Variants in CNTNAP5 observed in about 807,000 individuals in gnomAD.
CNTNAP5 encodes contactin-associated protein-like 5.
Under a neutral mutation model 150.2 loss-of-function variants are expected in CNTNAP5, and 72 were observed. The ratio of observed to expected loss-of-function variants is 0.48; its 90% CI spans 0.40 to 0.58. The LOEUF (loss-of-function observed/expected upper bound fraction) is 0.58. Ranked by LOEUF, CNTNAP5 falls within the 20% of genes least tolerant of loss-of-function variation. The probability of loss-of-function intolerance (pLI) is 0.00; values close to 1 mark genes in which losing one functional copy is unlikely to be tolerated. For missense variants in CNTNAP5, 1,636 were observed against 1,626.2 expected (o/e 1.01, Z -0.10); for synonymous variants, 672 against 619.8 (o/e 1.08, Z -1.25).
intron 1 of CNTNAP5, among the ~76,000 whole-genome samples, chr2:124,101,737 T>G (rs1166192107): frequency 1.3e-5 from 2 of 152,208 alleles, no homozygotes; most frequent in African/African-American, 4.8e-5. Flanking sequence ...TCAGAATATC[T>G]GGAGACTGTG....
intron 2 of CNTNAP5, among the ~76,000 whole-genome samples, chr2:124,222,684 T>G (rs1179529497): frequency 6.6e-6 from 1 of 151,944 alleles, no homozygotes; most frequent in African/African-American, 2.4e-5. Context: ...TTTGCAATAT[T>G]GAACCATCTT....
rs1012515489 is a variant in CNTNAP5 at position 124,622,795 on chromosome 2, G to A, written c.1876+12875G>A. ...TCAGGCTTATACAAAAGCAAGCTGA[G>A]TTCAAGTTCTGAAGTTTGCTTTTTT... On this transcript the variant is annotated intron_variant, in intron 12 of 23. Transcript: ENST00000682447. Among the ~76,000 whole-genome samples the A allele has an allele frequency of 4.6e-5, 7 of 152,084 alleles. No individual in the cohort carries two copies. In the South Asian group the frequency reaches 6.2e-4, roughly 14 times the overall value.
At chr2:124,761,931 C>T (rs1282977423) in intron 14 of CNTNAP5, among the ~76,000 whole-genome samples, 7 of 152,018 alleles carry the variant, frequency 4.6e-5, no homozygotes, top group Non-Finnish European at 7.4e-5. Context: ...GAAAGGCAGT[C>T]GTTGGCATTG....
intron 19 of CNTNAP5, among the ~76,000 whole-genome samples, chr2:124,807,341 T>G (rs892829567): frequency 6.6e-6 from 1 of 152,162 alleles, no homozygotes; most frequent in African/African-American, 2.4e-5. Context: ...GGTCGGGGGA[T>G]AGTTTCCAGC....
intron 13 of CNTNAP5, among the ~76,000 whole-genome samples, chr2:124,699,234 G>A (rs576904147): frequency 1.5e-4 from 23 of 152,164 alleles, no homozygotes; most frequent in African/African-American, 5.5e-4. Context: ...GCTTAGAATG[G>A]GGAGGGAAAT....
intron 13 of CNTNAP5, among the ~76,000 whole-genome samples, chr2:124,713,432 C>A (rs1179496579): frequency 6.7e-6 from 1 of 149,248 alleles, no homozygotes; most frequent in Non-Finnish European, 1.5e-5. Flanking sequence ...GGCTACAGTG[C>A]AGTGATGCCA....
At chr2:124,060,923 T>C (rs1573725428) in intron 1 of CNTNAP5, among the ~76,000 whole-genome samples, 1 of 152,278 alleles carries the variant, frequency 6.6e-6, no homozygotes, top group African/African-American at 2.4e-5. Flanking sequence ...CAGATACAGT[T>C]GACCCAACAG....
intron 7 of CNTNAP5, among the ~76,000 whole-genome samples, chr2:124,490,759 TA>T (rs1259117958): frequency 6.6e-6 from 1 of 152,082 alleles, no homozygotes; most frequent in Non-Finnish European, 1.5e-5. Context: ...TAATTTTATA[TA>T]ATTATTATGT....
At chr2:124,689,038 A>C (rs1679249239) in intron 13 of CNTNAP5, among the ~76,000 whole-genome samples, 1 of 152,104 alleles carries the variant, frequency 6.6e-6, no homozygotes, top group South Asian at 2.1e-4. Flanking sequence ...GGTCTTCTTA[A>C]ATGAACACAA....
At chr2:124,495,617 C>T (rs908148525) in intron 7 of CNTNAP5, among the ~76,000 whole-genome samples, 2 of 152,192 alleles carry the variant, frequency 1.3e-5, no homozygotes, top group African/African-American at 2.4e-5. Context: ...ATGTGTCTCT[C>T]GTGGATGTCT....
At chr2:124,487,555 C>T (rs1037574130) in intron 7 of CNTNAP5, among the ~76,000 whole-genome samples, 1 of 152,022 alleles carries the variant, frequency 6.6e-6, no homozygotes, top group Non-Finnish European at 1.5e-5. Context: ...TCAATGCTAG[C>T]TTCCCAAGGT....
intron 10 of CNTNAP5, among the ~76,000 whole-genome samples, chr2:124,530,573 C>A (rs1695081698): frequency 6.6e-6 from 1 of 152,150 alleles, no homozygotes; most frequent in Non-Finnish European, 1.5e-5. Flanking sequence ...CAGGGATGGG[C>A]AAATTACCAA....
At chr2:124,723,218 G>A (rs1049322114) in intron 13 of CNTNAP5, among the ~76,000 whole-genome samples, 1 of 152,284 alleles carries the variant, frequency 6.6e-6, no homozygotes, top group Non-Finnish European at 1.5e-5. Flanking sequence ...TTGACAGTTT[G>A]TGTAGAATTT....
intron 4 of CNTNAP5, 139 bp from the exon 5 acceptor site, chr2:124,434,345 A>G: frequency 1.5e-6 from 1 of 673,072 alleles, no homozygotes; most frequent in Admixed American, 2.4e-5. Context: ...GTTCTAGTCT[A>G]CATGTTTCCT....
chr2:124,327,243 G>A (rs1021079526), intron 3 of CNTNAP5, among the ~76,000 whole-genome samples: 4 of 151,996 alleles, frequency 2.6e-5, no homozygotes, highest in Admixed American at 2.6e-4. Flanking sequence ...GCCTCCCAAA[G>A]TGCTGGGATT....
Position 124,772,828 on chromosome 2 carries a change from G to A in CNTNAP5, c.2563G>A (p.Val855Ile), listed in dbSNP as rs763564537. Residue 855 changes from valine to isoleucine, a missense_variant, in exon 17 of 24, where the codon GTT (valine) becomes ATT (isoleucine). Coordinates refer to ENST00000682447, the MANE Select transcript of CNTNAP5 (RefSeq NM_001367498.1). Reference sequence around the variant, plus strand: ...TTCAGAGATCACCTTTGCCATCGATGTTGGGAATGGTCCTGTGGAGCTTGT... The same window carrying A: ...TTCAGAGATCACCTTTGCCATCGATATTGGGAATGGTCCTGTGGAGCTTGT... ...SPSEITFAID[V>I]GNGPVELVVQ... 4.1e-5 allele frequency: 66 copies of A among 1,613,668 alleles called. No individual in the cohort carries two copies. The South Asian group carries it at 7.1e-4, about 17-fold the overall frequency.
At chr2:124,226,405 T>A (rs137960414) in intron 2 of CNTNAP5, among the ~76,000 whole-genome samples, 1 of 152,270 alleles carries the variant, frequency 6.6e-6, no homozygotes, top group East Asian at 1.9e-4. Flanking sequence ...ATGCCTTGTT[T>A]GGAAAAACGT....
intron 8 of CNTNAP5, among the ~76,000 whole-genome samples, chr2:124,509,126 A>G (rs1420040080): frequency 6.6e-6 from 1 of 152,214 alleles, no homozygotes; most frequent in Admixed American, 6.5e-5. Context: ...AAAGGGCAGT[A>G]CAATGATGCC....
At chr2:124,118,452 C>G (rs892769539) in intron 1 of CNTNAP5, among the ~76,000 whole-genome samples, 1 of 152,164 alleles carries the variant, frequency 6.6e-6, no homozygotes, top group Non-Finnish European at 1.5e-5. Context: ...AAAGAGGATT[C>G]AAAAGCACTG....
Sources: allele counts gnomAD v4.1 joint callset (sites outside exome capture counted in the v4.1 genomes callset), GRCh38; gene constraint gnomAD v4.1.1; transcripts MANE v1.5; gene names NCBI Gene and HGNC (gene_info 2026-07-23, HGNC 2026-07-21).